The following CLSTN2 variants were observed in gnomAD, a reference collection of about 807,000 sequenced individuals.
CLSTN2 encodes calsyntenin-2.
CLSTN2 carries 48 observed loss-of-function variants against 101.2 expected under a neutral mutation model. The observed-to-expected ratio is 0.47, with a 90% CI of 0.38 to 0.60. CLSTN2 has a LOEUF of 0.60. Among genes scored for constraint, CLSTN2 ranks in the 20% least tolerant of loss-of-function variants. CLSTN2 has a pLI of 0.00. For missense variants in CLSTN2, 1,160 were observed against 1,238.2 expected (o/e 0.94, Z 0.95); for synonymous variants, 481 against 463.6 (o/e 1.04, Z -0.48).
chr3:139,975,418 A>T (rs1013383962), intron 1 of CLSTN2, among the ~76,000 whole-genome samples: 2 of 152,202 alleles, frequency 1.3e-5, no homozygotes, highest in African/African-American at 4.8e-5. Context: ...AGTGCCTGGC[A>T]TGGAGTGAGT....
At chr3:140,403,866 G>A (rs538580855) in intron 3 of CLSTN2, 42 bp downstream of exon 3, 107 of 1,326,356 alleles carry the variant, frequency 8.1e-5, no homozygotes, top group East Asian at 5.3e-4. Flanking sequence ...CCTCCCTCCC[G>A]TGCCCACCCC....
chr3:140,333,612 G>T (rs890792921), intron 2 of CLSTN2, among the ~76,000 whole-genome samples: 3 of 151,696 alleles, frequency 2.0e-5, no homozygotes, highest in African/African-American at 7.3e-5. Context: ...TTGGTTTCCC[G>T]CCACATTAGG....
Position 139,998,336 on chromosome 3 carries a change from CTT to C in CLSTN2, c.109+62872_109+62873del, listed in dbSNP as rs60541490. Among the ~76,000 whole-genome samples, 60 of 66,806 alleles carry C rather than the reference CTT, an allele frequency of 9.0e-4. 1 individual carries two copies. The highest frequency in any genetic ancestry group is 1.8e-3 in the African/African-American group (25 of 13,814). 43.8% of individuals were successfully genotyped at this position (66,806 alleles called of 152,430 possible). ...ATGGGATAATAGTTCCCCCACATGC[CTT>C]TTTTTTTTTTTTTTTTTTGTGACGG... On this transcript the variant is annotated intron_variant, in intron 1 of 16. Coordinates refer to ENST00000458420, the MANE Select transcript of CLSTN2 (RefSeq NM_022131.3).
intron 1 of CLSTN2, among the ~76,000 whole-genome samples, chr3:140,175,167 A>G (rs1049252976): frequency 1.8e-4 from 27 of 152,160 alleles, no homozygotes; most frequent in Admixed American, 1.3e-3. Context: ...TCTCCCAATA[A>G]TTCACATACT....
chr3:140,114,311 C>G (rs1428780936), intron 1 of CLSTN2, among the ~76,000 whole-genome samples: 1 of 152,214 alleles, frequency 6.6e-6, no homozygotes, highest in African/African-American at 2.4e-5. Context: ...AGAATGCTCT[C>G]TGTATTCCTG....
chr3:140,102,096 G>GATCAC (rs533467124), intron 1 of CLSTN2, among the ~76,000 whole-genome samples: 25 of 152,188 alleles, frequency 1.6e-4, no homozygotes, highest in Admixed American at 5.9e-4. Context: ...TTTCAAGTCA[G>GATCAC]ACCACACATG....
chr3:139,956,575 G>A (rs1223008123), intron 1 of CLSTN2, among the ~76,000 whole-genome samples: 1 of 152,176 alleles, frequency 6.6e-6, no homozygotes, highest in Non-Finnish European at 1.5e-5. Flanking sequence ...CTACTAAAGG[G>A]ATGTTCTGTT....
chr3:140,176,356 G>A (rs1284052875), intron 2 of CLSTN2, among the ~76,000 whole-genome samples: 1 of 152,186 alleles, frequency 6.6e-6, no homozygotes, highest in African/African-American at 2.4e-5. Context: ...TGTGGAGTTG[G>A]AGAAGTTGGG....
intron 2 of CLSTN2, among the ~76,000 whole-genome samples, chr3:140,217,136 C>T (rs994075135): frequency 4.6e-5 from 7 of 152,132 alleles, no homozygotes; most frequent in Non-Finnish European, 7.3e-5. Flanking sequence ...AGGATACACA[C>T]GCCCAAATCT....
chr3:140,544,371 G>T (rs1223609236), intron 9 of CLSTN2, among the ~76,000 whole-genome samples: 1 of 152,182 alleles, frequency 6.6e-6, no homozygotes, highest in East Asian at 1.9e-4. Flanking sequence ...AAGCCTGCGG[G>T]TGGCACAAAG....
chr3:140,564,160 C>A lies in CLSTN2; in HGVS notation c.2667+15C>A, dbSNP rs756948251. The A allele has an allele frequency of 6.2e-7, 1 of 1,611,282 alleles. No individual in the cohort carries two copies. Among genetic ancestry groups the A allele is most frequent in the Non-Finnish European group, 8.5e-7 (1 of 1,177,994 alleles). On this transcript the variant is annotated intron_variant, in intron 16 of 16. Coordinates refer to ENST00000458420, the MANE Select transcript of CLSTN2 (RefSeq NM_022131.3). ...ACCCCATGGAGGTGATCCTCATGCA[C>A]GGCTGGGAGTTCTGGGTGGGGTGCT...
chr3:140,539,835 C>T (rs67781897), intron 9 of CLSTN2, among the ~76,000 whole-genome samples: 14,018 of 152,180 alleles, frequency 0.092, 1,467 homozygotes, highest in African/African-American at 0.25. Flanking sequence ...CAGGTCTATG[C>T]CACCAAAGCC....
At chr3:140,104,818 AC>A (rs1342691095) in intron 1 of CLSTN2, among the ~76,000 whole-genome samples, 1 of 152,208 alleles carries the variant, frequency 6.6e-6, no homozygotes, top group African/African-American at 2.4e-5. Context: ...TACTAAAAAT[AC>A]AAAAATTAGC....
chr3:140,374,558 A>G (rs2087894706), intron 2 of CLSTN2, among the ~76,000 whole-genome samples: 1 of 152,220 alleles, frequency 6.6e-6, no homozygotes, highest in African/African-American at 2.4e-5. Flanking sequence ...AACAGGAATG[A>G]AAAAAGAAGA....
intron 1 of CLSTN2, among the ~76,000 whole-genome samples, chr3:140,162,826 C>G (rs950298427): frequency 6.6e-6 from 1 of 152,186 alleles, no homozygotes; most frequent in African/African-American, 2.4e-5. Context: ...AATTGTCATC[C>G]ATCGTTCTGG....
At chr3:140,300,772 A>G (rs911260640) in intron 2 of CLSTN2, among the ~76,000 whole-genome samples, 4 of 151,954 alleles carry the variant, frequency 2.6e-5, no homozygotes, top group Non-Finnish European at 5.9e-5. Context: ...TGGATTAGTC[A>G]GGGTTCTCTA....
chr3:140,530,215 C>T (rs1334772403), intron 8 of CLSTN2, among the ~76,000 whole-genome samples: 1 of 152,162 alleles, frequency 6.6e-6, no homozygotes, highest in African/African-American at 2.4e-5. Flanking sequence ...TACACAGCTA[C>T]TTAAAATGAA....
intron 2 of CLSTN2, among the ~76,000 whole-genome samples, chr3:140,295,922 A>G (rs1210974816): frequency 6.6e-6 from 1 of 152,228 alleles, no homozygotes; most frequent in East Asian, 1.9e-4. Flanking sequence ...TAAGCAGCTA[A>G]AAGACCTTTG....
chr3:140,068,736 A>C lies in CLSTN2; in HGVS notation c.110-107215A>C, dbSNP rs111461135. On this transcript the variant is annotated intron_variant, in intron 1 of 16. Coordinates refer to ENST00000458420, the MANE Select transcript of CLSTN2 (RefSeq NM_022131.3). ...CAGGAGGCCAATTCCTAATAAGAAG[A>C]CCAATTTCTGCTTCAAGAATAGGAA... Among the ~76,000 whole-genome samples, 108 of 152,318 alleles carry C rather than the reference A, an allele frequency of 7.1e-4. 1 individual carries two copies. Among genetic ancestry groups the C allele is most frequent in the African/African-American group, 2.6e-3 (106 of 41,564 alleles).
Sources: gnomAD v4.1 joint callset for allele counts (sites outside exome capture counted in the v4.1 genomes callset) on GRCh38, gnomAD v4.1.1 for gene constraint, MANE v1.5 for transcripts, NCBI Gene and HGNC (gene_info 2026-07-23, HGNC 2026-07-21) for gene names.